TMEM132D: variants seen among roughly 807,000 people sequenced by gnomAD.
TMEM132D encodes mature OL transmembrane protein.
In TMEM132D, 21 loss-of-function variants were observed where a neutral mutation model predicts 62.3. The observed-to-expected ratio is 0.34, with a 90% CI of 0.24 to 0.49. TMEM132D has a LOEUF of 0.49. Ranked by LOEUF, TMEM132D falls within the 20% of genes least tolerant of loss-of-function variation. The pLI is 0.99. For synonymous variants in TMEM132D, 621 were observed against 575.6 expected (o/e 1.08, Z -1.13); for missense variants, 1,346 against 1,402.8 (o/e 0.96, Z 0.65).
intron 2 of TMEM132D, among the ~76,000 whole-genome samples, chr12:129,697,331 C>G (rs1452648025): frequency 6.6e-6 from 1 of 152,146 alleles, no homozygotes; most frequent in Non-Finnish European, 1.5e-5. Context: ...GTCAAATTGA[C>G]TTCATTTAAA....
intron 3 of TMEM132D, among the ~76,000 whole-genome samples, chr12:129,428,262 T>C (rs1872554685): frequency 1.3e-5 from 2 of 152,234 alleles, no homozygotes; most frequent in South Asian, 2.1e-4. Flanking sequence ...AGGTGTGCTT[T>C]ACATAAAGAT....
chr12:129,332,660 T>G (rs1869146280), intron 4 of TMEM132D, among the ~76,000 whole-genome samples: 1 of 152,092 alleles, frequency 6.6e-6, no homozygotes, highest in Admixed American at 6.6e-5. Flanking sequence ...TAGAGGGAGA[T>G]GAGGGATTTC....
At chr12:129,440,165 G>A (rs1381780767) in intron 3 of TMEM132D, among the ~76,000 whole-genome samples, 10 of 152,162 alleles carry the variant, frequency 6.6e-5, no homozygotes, top group Admixed American at 5.9e-4. Flanking sequence ...TAGTCCAACA[G>A]GAAACAAAAT....
At chr12:129,641,057 A>C (rs1325877319) in intron 2 of TMEM132D, among the ~76,000 whole-genome samples, 1 of 152,182 alleles carries the variant, frequency 6.6e-6, no homozygotes, top group African/African-American at 2.4e-5. Context: ...TAATTATTTC[A>C]TTATATATTA....
At chr12:129,644,531 C>T (rs1879721516) in intron 2 of TMEM132D, among the ~76,000 whole-genome samples, 1 of 152,092 alleles carries the variant, frequency 6.6e-6, no homozygotes, top group African/African-American at 2.4e-5. Flanking sequence ...GGACACACTA[C>T]CCACCCACAG....
intron 3 of TMEM132D, among the ~76,000 whole-genome samples, chr12:129,428,663 A>G (rs1872565301): frequency 6.6e-6 from 1 of 152,232 alleles, no homozygotes; most frequent in Non-Finnish European, 1.5e-5. Context: ...ATGGTAGCTG[A>G]TATAAAACGG....
chr12:129,209,336 A>G (rs1002084414), intron 5 of TMEM132D, among the ~76,000 whole-genome samples, 184 bp downstream of exon 5: 1 of 152,076 alleles, frequency 6.6e-6, no homozygotes, highest in African/African-American at 2.4e-5. Flanking sequence ...GCACTTTTTC[A>G]TTCTGTCCAA....
At chr12:129,237,269 C>G (rs1184274839) in intron 4 of TMEM132D, among the ~76,000 whole-genome samples, 3 of 151,964 alleles carry the variant, frequency 2.0e-5, no homozygotes, top group Admixed American at 1.3e-4. Context: ...TTGTCATGCC[C>G]TATCTTCCCT....
At chr12:129,831,826 A>G (rs1270946644) in intron 1 of TMEM132D, among the ~76,000 whole-genome samples, 1 of 151,174 alleles carries the variant, frequency 6.6e-6, no homozygotes, top group Non-Finnish European at 1.5e-5. Flanking sequence ...CCTCCAAATA[A>G]GCACACGTTG....
intron 5 of TMEM132D, among the ~76,000 whole-genome samples, chr12:129,089,864 G>T (rs571320894): frequency 1.3e-5 from 2 of 152,358 alleles, no homozygotes; most frequent in African/African-American, 4.8e-5. Flanking sequence ...CAGCCCAAGT[G>T]GGCGCCTGTG....
At chr12:129,699,172 C>A (rs1196774336) in intron 2 of TMEM132D, among the ~76,000 whole-genome samples, 2 of 152,152 alleles carry the variant, frequency 1.3e-5, no homozygotes, top group African/African-American at 2.4e-5. Context: ...TGAAAACCAG[C>A]CTATATTTAT....
At chr12:129,672,805 T>A (rs1361454278) in intron 2 of TMEM132D, among the ~76,000 whole-genome samples, 1 of 152,226 alleles carries the variant, frequency 6.6e-6, no homozygotes, top group Non-Finnish European at 1.5e-5. Context: ...TGGAGTGCAA[T>A]GGCACTATCT....
chr12:129,092,227 G>T (rs1874945120), intron 5 of TMEM132D, among the ~76,000 whole-genome samples: 1 of 150,720 alleles, frequency 6.6e-6, no homozygotes, highest in Admixed American at 6.6e-5. Context: ...CTGTTTAAAT[G>T]CTGTATGAAT....
intron 3 of TMEM132D, among the ~76,000 whole-genome samples, chr12:129,517,885 A>T (rs565678644): frequency 8.5e-5 from 13 of 152,302 alleles, no homozygotes; most frequent in Admixed American, 4.6e-4. Flanking sequence ...TCGACTTCTA[A>T]TACCATCCAC....
chr12:129,284,759 T>A (rs1481823197), intron 4 of TMEM132D, among the ~76,000 whole-genome samples: 2 of 152,244 alleles, frequency 1.3e-5, no homozygotes, highest in African/African-American at 4.8e-5. Context: ...TGTTAATACA[T>A]GCTACAACAT....
chr12:129,251,390 A>T (rs1880262778), intron 4 of TMEM132D, among the ~76,000 whole-genome samples: 1 of 149,124 alleles, frequency 6.7e-6, no homozygotes, highest in African/African-American at 2.5e-5. Flanking sequence ...AAAAGAAGAG[A>T]GAAAAGGGAA....
intron 1 of TMEM132D, among the ~76,000 whole-genome samples, chr12:129,824,365 C>T (rs916165982): frequency 6.6e-6 from 1 of 152,094 alleles, no homozygotes; most frequent in Non-Finnish European, 1.5e-5. Context: ...AAGACTCAGT[C>T]CTGTTCAACC....
chr12:129,572,335 C>G (rs1001143729), intron 2 of TMEM132D, among the ~76,000 whole-genome samples: 9 of 152,172 alleles, frequency 5.9e-5, no homozygotes, highest in Non-Finnish European at 1.2e-4. Flanking sequence ...GGAGGCCTGC[C>G]CTGGACGGTG....
chr12:129,504,148 GTCA>G (rs1399257818), intron 3 of TMEM132D, among the ~76,000 whole-genome samples: 3 of 151,620 alleles, frequency 2.0e-5, no homozygotes, highest in South Asian at 2.1e-4. Flanking sequence ...CCTCATCACC[GTCA>G]TCATCATCAC....
Sources: gnomAD v4.1 joint callset for allele counts (sites outside exome capture counted in the v4.1 genomes callset) on GRCh38, gnomAD v4.1.1 for gene constraint, MANE v1.5 for transcripts, NCBI Gene and HGNC (gene_info 2026-07-23, HGNC 2026-07-21) for gene names.